Variants in MEGF11 observed in about 807,000 individuals in gnomAD.
MEGF11 encodes the protein multiple epidermal growth factor-like domains protein 11.
MEGF11 carries 126 observed loss-of-function variants against 146.6 expected under a neutral mutation model. The observed-to-expected ratio is 0.86, with a 90% CI of 0.74 to 1.00. The LOEUF is 1.00. Among genes scored for constraint, MEGF11 ranks in the 50% least tolerant of loss-of-function variants. The pLI is 0.00. For synonymous variants in MEGF11, 532 were observed against 583.4 expected (o/e 0.91, Z 1.27); for missense variants, 1,509 against 1,521.2 (o/e 0.99, Z 0.13).
chr15:66,152,132 C>T (rs2089593352), intron 1 of MEGF11, among the ~76,000 whole-genome samples: 2 of 152,182 alleles, frequency 1.3e-5, no homozygotes, highest in African/African-American at 4.8e-5. Flanking sequence ...CTCTCAGCCC[C>T]TCATGGGCAC....
intron 5 of MEGF11, among the ~76,000 whole-genome samples, chr15:66,089,383 C>T (rs2086234634): frequency 1.3e-5 from 2 of 152,182 alleles, no homozygotes; most frequent in African/African-American, 2.4e-5. Flanking sequence ...GCGTGGATAA[C>T]ACCAGTTTGG....
At chr15:66,201,368 C>A (rs1226998913) in intron 1 of MEGF11, among the ~76,000 whole-genome samples, 1 of 152,114 alleles carries the variant, frequency 6.6e-6, no homozygotes, top group Non-Finnish European at 1.5e-5. Flanking sequence ...AGGAAGCCCC[C>A]ACCCACAGTT....
chr15:66,014,493 T>C lies in MEGF11; in HGVS notation c.395-32005A>G, dbSNP rs529541037. Among the ~76,000 whole-genome samples, 4 of 152,218 alleles carry C rather than the reference T, an allele frequency of 2.6e-5. No homozygotes were observed. The South Asian group carries it at 8.3e-4, about 32-fold the overall frequency. On this transcript the variant is annotated intron_variant, in intron 5 of 25. Transcript: ENST00000395614. ...TTCCTCTTCCAGGCACTGGGTTTGC[T>C]CCAGAATTTCCAGCCAGAAAGCCTC...
chr15:66,171,007 C>T (rs1200102703), intron 1 of MEGF11, among the ~76,000 whole-genome samples: 1 of 152,212 alleles, frequency 6.6e-6, no homozygotes, highest in Non-Finnish European at 1.5e-5. Flanking sequence ...GCTCCTTCCT[C>T]TTCCCACCCT....
intron 9 of MEGF11, among the ~76,000 whole-genome samples, chr15:65,959,546 T>C (rs533880978): frequency 6.6e-5 from 10 of 152,248 alleles, no homozygotes; most frequent in Non-Finnish European, 1.2e-4. Context: ...AGACTTACTT[T>C]TAAGTCTTTA....
chr15:66,023,140 C>CAAAAAAAAAAAAAAAAAAAAA (rs375962533), intron 5 of MEGF11, among the ~76,000 whole-genome samples: 3 of 123,702 alleles, frequency 2.4e-5, no homozygotes, highest in Non-Finnish European at 3.3e-5. Flanking sequence ...GACTCCATCT[C>CAAAAAAAAAAAAAAAAAAAAA]AAAAAAAAAA....
intron 1 of MEGF11, among the ~76,000 whole-genome samples, chr15:66,213,664 G>C (rs542041992): frequency 6.6e-6 from 1 of 150,638 alleles, no homozygotes; most frequent in African/African-American, 2.4e-5. Context: ...CAATCCTCCT[G>C]CCTCAGCATC....
At chr15:65,957,405 G>T (rs1487485543) in intron 10 of MEGF11, 142 bp downstream of exon 10, 2 of 763,284 alleles carry the variant, frequency 2.6e-6, no homozygotes, top group Non-Finnish European at 4.2e-6. Context: ...AGCTTCAGGG[G>T]CTCTCCCCTC....
intron 10 of MEGF11, among the ~76,000 whole-genome samples, chr15:65,938,204 C>T (rs1421432716): frequency 6.6e-6 from 1 of 152,242 alleles, no homozygotes; most frequent in Non-Finnish European, 1.5e-5. Flanking sequence ...TCACCTGGTC[C>T]AGCTGCCTTG....
At chr15:65,962,722 G>A (rs1431765161) in intron 9 of MEGF11, among the ~76,000 whole-genome samples, 1 of 152,124 alleles carries the variant, frequency 6.6e-6, no homozygotes, top group Non-Finnish European at 1.5e-5. Context: ...CTCTGTGCAG[G>A]CACCGTGCAA....
chr15:66,236,185 C>T (rs2092086728), intron 1 of MEGF11, among the ~76,000 whole-genome samples: 1 of 152,114 alleles, frequency 6.6e-6, no homozygotes, highest in South Asian at 2.1e-4. Flanking sequence ...AGAGGTGTGA[C>T]ACAGCACTGT....
chr15:66,000,583 T>TC (rs1438448752), intron 5 of MEGF11, among the ~76,000 whole-genome samples: 1 of 151,938 alleles, frequency 6.6e-6, no homozygotes, highest in Non-Finnish European at 1.5e-5. Context: ...TCTGTTTTGT[T>TC]CCCCACTGTA....
At chr15:66,004,064 T>G (rs1025330119) in intron 5 of MEGF11, among the ~76,000 whole-genome samples, 1 of 152,146 alleles carries the variant, frequency 6.6e-6, no homozygotes, top group African/African-American at 2.4e-5. Flanking sequence ...AAAGGGTGAC[T>G]CAATATCTTG....
intron 13 of MEGF11, among the ~76,000 whole-genome samples, chr15:65,924,745 C>G (rs1002912059): frequency 4.0e-5 from 6 of 151,386 alleles, no homozygotes; most frequent in Non-Finnish European, 4.4e-5. Flanking sequence ...TCTGCTTCAG[C>G]CTTCCGAGTA....
At chr15:66,221,839 C>G (rs1169271203) in intron 1 of MEGF11, among the ~76,000 whole-genome samples, 1 of 152,024 alleles carries the variant, frequency 6.6e-6, no homozygotes, top group Non-Finnish European at 1.5e-5. Flanking sequence ...ACTGAGATGC[C>G]AGGATCAAAC....
At chr15:66,090,710 A>G (rs1057423075) in intron 5 of MEGF11, among the ~76,000 whole-genome samples, 70 of 152,382 alleles carry the variant, frequency 4.6e-4, no homozygotes, top group African/African-American at 1.6e-3. Context: ...CTCAATGTCC[A>G]TCAACAAGGG....
At chr15:65,930,794 G>C (rs759885211) in intron 11 of MEGF11, 29 bp downstream of exon 11, 3 of 1,576,844 alleles carry the variant, frequency 1.9e-6, no homozygotes, top group Non-Finnish European at 2.6e-6. Flanking sequence ...CATATGTCAG[G>C]GATGGGCTTG....
intron 8 of MEGF11, among the ~76,000 whole-genome samples, chr15:65,970,087 C>T (rs770418086): frequency 6.6e-6 from 1 of 152,106 alleles, no homozygotes; most frequent in Non-Finnish European, 1.5e-5. Flanking sequence ...ACATTGGCAC[C>T]GTCCTTCAGT....
intron 13 of MEGF11, among the ~76,000 whole-genome samples, chr15:65,925,114 A>C (rs2141274054): frequency 6.6e-6 from 1 of 152,244 alleles, no homozygotes; most frequent in East Asian, 1.9e-4. Context: ...TCTCTCCTAA[A>C]ACTATAGGTA....
Sources: allele counts gnomAD v4.1 joint callset (sites outside exome capture counted in the v4.1 genomes callset), GRCh38; gene constraint gnomAD v4.1.1; transcripts MANE v1.5; gene names NCBI Gene and HGNC (gene_info 2026-07-23, HGNC 2026-07-21).